SYNE1: variants seen among roughly 807,000 people sequenced by gnomAD.
SYNE1 encodes nesprin-1.
Under a neutral mutation model 1,111.0 loss-of-function variants are expected in SYNE1, and 616 were observed. The ratio of observed to expected loss-of-function variants is 0.55; its 90% CI spans 0.52 to 0.59. SYNE1 has a LOEUF of 0.59. Among genes scored for constraint, SYNE1 ranks in the 20% least tolerant of loss-of-function variants. SYNE1 has a pLI of 0.00. For synonymous variants in SYNE1, 3,855 were observed against 3,825.8 expected (o/e 1.01, Z -0.28); for missense variants, 10,006 against 10,417.0 (o/e 0.96, Z 1.72).
chr6:152,350,750 C>G lies in SYNE1; in HGVS notation c.11601G>C (p.Leu3867=). Residue 3867 remains leucine, a synonymous_variant, in exon 71 of 146, where the codon CTG becomes CTC. Transcript: ENST00000367255. ...CTGACTTTACTGATGGTTCATGGGA[C>G]AGCACCGTTTGTTGAAGTGACTTGA... The part of the protein sequence containing the change: ...SKYKSLQQTV[L]SHEPSVKSVR... The G allele has an allele frequency of 6.2e-7, 1 of 1,612,580 alleles. No homozygotes were observed. The highest frequency in any genetic ancestry group is 8.5e-7 in the Non-Finnish European group (1 of 1,179,768).
At chr6:152,244,849 C>G (rs2086709405) in intron 105 of SYNE1, among the ~76,000 whole-genome samples, 193 bp from the exon 106 acceptor site, 1 of 152,078 alleles carries the variant, frequency 6.6e-6, no homozygotes, top group Admixed American at 6.5e-5. Context: ...GAAGTCCCCT[C>G]ATTAGTACAG....
intron 93 of SYNE1, among the ~76,000 whole-genome samples, chr6:152,297,931 G>T (rs528419584): frequency 6.6e-6 from 1 of 151,688 alleles, no homozygotes; most frequent in Non-Finnish European, 1.5e-5. Context: ...ATTTATTTGA[G>T]GTACATACAT....
chr6:152,200,023 A>G (rs745371271), intron 127 of SYNE1, among the ~76,000 whole-genome samples: 5 of 152,184 alleles, frequency 3.3e-5, no homozygotes, highest in African/African-American at 9.7e-5. Context: ...AACATATTCA[A>G]TTGTTATACC....
chr6:152,262,304 T>C, intron 100 of SYNE1, 116 bp from the exon 101 acceptor site: 1 of 948,818 alleles, frequency 1.1e-6, no homozygotes, highest in Non-Finnish European at 1.7e-6. Flanking sequence ...ACCTTAGTTA[T>C]TAGCTTACAC....
intron 34 of SYNE1, 120 bp downstream of exon 34, chr6:152,433,675 T>A: frequency 8.3e-7 from 1 of 1,200,312 alleles, no homozygotes; most frequent in Non-Finnish European, 1.2e-6. Flanking sequence ...TGAATTTAAT[T>A]TTAATAGTCA....
At position 152,262,282 on chromosome 6, in the gene SYNE1, T is replaced by C. The variant is rs559176857; in HGVS notation, c.18816-94A>G. On this transcript the variant is annotated intron_variant, in intron 100 of 145. Coordinates refer to ENST00000367255, the MANE Select transcript of SYNE1 (RefSeq NM_182961.4). Reference sequence around the variant, plus strand: ...TGTGTACCAGACCTGGCTTCTCAAATGAAATAAGATTACCTTAGTTATTAG... The same window carrying C: ...TGTGTACCAGACCTGGCTTCTCAAACGAAATAAGATTACCTTAGTTATTAG... 7.9e-6 allele frequency: 9 copies of C among 1,146,080 alleles called. No homozygotes were observed. In the African/African-American group the frequency reaches 1.4e-4, roughly 17 times the overall value. The allele number at this position is 1,146,080 out of a possible 1,614,324, so 71.0% of individuals were successfully genotyped here. A position where few individuals can be genotyped will look rare whatever the true frequency, so the allele number is the denominator to read the frequency against.
At chr6:152,302,793 T>C (rs999854536) in intron 91 of SYNE1, among the ~76,000 whole-genome samples, 10 of 152,166 alleles carry the variant, frequency 6.6e-5, no homozygotes, top group Non-Finnish European at 1.3e-4. Context: ...CACTTGCTTT[T>C]GAAAAAATAA....
At chr6:152,569,493 T>A (rs146167680) in intron 3 of SYNE1, among the ~76,000 whole-genome samples, 73 of 152,316 alleles carry the variant, frequency 4.8e-4, no homozygotes, top group African/African-American at 1.6e-3. Flanking sequence ...TAGATTTTTT[T>A]AAGTAAGTTT....
intron 84 of SYNE1, chr6:152,319,866 A>G (rs1347859139): frequency 6.6e-6 from 1 of 152,274 alleles, no homozygotes; most frequent in African/African-American, 2.4e-5. Context: ...AAACAAACAA[A>G]GAAAAACCAT....
At chr6:152,136,249 A>T (rs142236553) in intron 141 of SYNE1, among the ~76,000 whole-genome samples, 80 of 152,342 alleles carry the variant, frequency 5.3e-4, no homozygotes, top group African/African-American at 1.8e-3. Context: ...TATGAATGGA[A>T]AAACAAATAT....
At chr6:152,530,468 GT>G (rs71017540) in intron 4 of SYNE1, among the ~76,000 whole-genome samples, 36,243 of 137,228 alleles carry the variant, frequency 0.26, 5,196 homozygotes, top group East Asian at 0.44. Flanking sequence ...TAATTGTATG[GT>G]TTTTTTTTTT....
intron 3 of SYNE1, among the ~76,000 whole-genome samples, chr6:152,617,473 C>T (rs940882528): frequency 6.6e-5 from 10 of 152,288 alleles, no homozygotes; most frequent in Admixed American, 4.6e-4. Context: ...CTGTAAGTTA[C>T]GTTTACATTT....
intron 145 of SYNE1, among the ~76,000 whole-genome samples, chr6:152,124,261 G>A (rs748318502): frequency 3.3e-5 from 5 of 152,088 alleles, no homozygotes; most frequent in South Asian, 2.1e-4. Flanking sequence ...AGCCATGATC[G>A]GAACACCACT....
intron 6 of SYNE1, among the ~76,000 whole-genome samples, chr6:152,518,753 C>A (rs1263908980): frequency 6.6e-6 from 1 of 151,972 alleles, no homozygotes; most frequent in African/African-American, 2.4e-5. Context: ...GTAAAACTTG[C>A]AGTGTTTAAC....
chr6:152,151,111 C>T (rs1459177220), intron 135 of SYNE1, among the ~76,000 whole-genome samples: 1 of 151,746 alleles, frequency 6.6e-6, no homozygotes, highest in Non-Finnish European at 1.5e-5. Context: ...AATCTCAGCT[C>T]CTTGGCAGGC....
intron 32 of SYNE1, among the ~76,000 whole-genome samples, chr6:152,438,366 A>G (rs934338640): frequency 6.6e-6 from 1 of 152,230 alleles, no homozygotes; most frequent in Non-Finnish European, 1.5e-5. Context: ...ATATACATTC[A>G]ATTTTAGAGC....
Position 152,337,095 on chromosome 6 carries a change from C to A in SYNE1, c.12352-78G>T. The A allele has an allele frequency of 1.4e-6, 2 of 1,467,422 alleles. 1 individual carries two copies. Among genetic ancestry groups the A allele is most frequent in the South Asian group, 2.4e-5 (2 of 83,636 alleles). The allele number at this position is 1,467,422 out of a possible 1,614,324, so 90.9% of individuals were successfully genotyped here. On this transcript the variant is annotated intron_variant, in intron 75 of 145. Transcript: ENST00000367255. ...GTTAATGAATCAGAGATGGAACTTTCCAGCTGGCCTGTGCACTCATTTGAC... is the reference window on the plus strand; with the variant it reads ...GTTAATGAATCAGAGATGGAACTTTACAGCTGGCCTGTGCACTCATTTGAC...
intron 139 of SYNE1, among the ~76,000 whole-genome samples, chr6:152,140,627 G>A (rs1373027954): frequency 1.3e-5 from 2 of 151,924 alleles, no homozygotes; most frequent in Non-Finnish European, 2.9e-5. Flanking sequence ...CCCAGGAGTT[G>A]GAGTCTAGTT....
intron 12 of SYNE1, among the ~76,000 whole-genome samples, chr6:152,487,027 C>T (rs2098944655): frequency 6.6e-6 from 1 of 152,120 alleles, no homozygotes; most frequent in Non-Finnish European, 1.5e-5. Context: ...TCAAATAAAT[C>T]ACAATTTTTA....
Sources: gnomAD v4.1 joint callset for allele counts (sites outside exome capture counted in the v4.1 genomes callset) on GRCh38, gnomAD v4.1.1 for gene constraint, MANE v1.5 for transcripts, NCBI Gene and HGNC (gene_info 2026-07-23, HGNC 2026-07-21) for gene names.